DDX24: variants seen among roughly 807,000 people sequenced by gnomAD.
DDX24 encodes the protein DEAD-box helicase 24.
Under a neutral mutation model 68.9 loss-of-function variants are expected in DDX24, and 24 were observed. That is an observed-to-expected ratio of 0.35 (90% CI 0.25 to 0.49). The LOEUF is 0.49. Among genes scored for constraint, DDX24 ranks in the 20% least tolerant of loss-of-function variants. The probability of loss-of-function intolerance (pLI) is 0.99; values close to 1 mark genes in which losing one functional copy is unlikely to be tolerated. For missense variants in DDX24, 989 were observed against 1,039.0 expected, an observed-to-expected ratio of 0.95 and a Z score of 0.66; for synonymous variants, 395 against 385.2, an observed-to-expected ratio of 1.03 and a Z score of -0.30.
chr14:94,061,991 T>A (rs1394406728), intron 3 of DDX24, 106 bp downstream of exon 3: 4 of 1,248,516 alleles, frequency 3.2e-6, no homozygotes, highest in South Asian at 3.1e-5. Flanking sequence ...GGCTTATAGA[T>A]GAGAGTGGCT....
rs1270400466 is a variant in DDX24, at chr14:94,060,553, T to A, written c.1458A>T (p.Ser486=). 2.5e-6 allele frequency: 4 copies of A among 1,614,038 alleles called. No homozygotes were observed. The highest frequency in any genetic ancestry group is 3.4e-6 in the Non-Finnish European group (4 of 1,180,024). Reference sequence around the variant, plus strand: ...AGTCATTGAGCATCTCTAGCAGCTGTGAGAGCTCAGCAAAATGGCCTTTCT... The same window carrying A: ...AGTCATTGAGCATCTCTAGCAGCTGAGAGAGCTCAGCAAAATGGCCTTTCT... ...MVEKGHFAEL[S]QLLEMLNDSQ... Residue 486 remains serine, a synonymous_variant, in exon 5 of 9, where the codon TCA becomes TCT. Coordinates refer to ENST00000621632, the MANE Select transcript of DDX24 (RefSeq NM_020414.4).
rs779287956 is a variant in DDX24 at position 94,079,263 on chromosome 14, T to C, written c.480A>G (p.Lys160=). 9 of 1,614,172 alleles carry C rather than the reference T, an allele frequency of 5.6e-6. No individual in the cohort carries two copies. The highest frequency in any genetic ancestry group is 4.2e-6 in the Non-Finnish European group (5 of 1,180,040). ...TGCTCTGAGAAGGCTCCAACCCTTT[T>C]TTCCCTTTATTTTTCTTCTTTTTTG... ...TAPKKKKNKG[K]KGLEPSQSTA... is the part of the protein sequence containing the mutation. The change falls in exon 2 of 9, where the codon AAA becomes AAG. Residue 160 remains lysine (K), a synonymous_variant. Coordinates refer to ENST00000621632, the MANE Select transcript of DDX24 (RefSeq NM_020414.4).
At chr14:94,074,521 A>T (rs12435406) in intron 2 of DDX24, among the ~76,000 whole-genome samples, 81,201 of 151,988 alleles carry the variant, frequency 0.53, 23,716 homozygotes, top group African/African-American at 0.79. Flanking sequence ...CCAACATCCA[A>T]CCCTGATAAA....
chr14:94,066,231 A>G (rs1197260699), intron 2 of DDX24, among the ~76,000 whole-genome samples: 1 of 151,924 alleles, frequency 6.6e-6, no homozygotes, highest in Non-Finnish European at 1.5e-5. Context: ...GCTTTCCCCC[A>G]TTTCCCTGAC....
intron 2 of DDX24, among the ~76,000 whole-genome samples, chr14:94,064,436 G>A (rs1158053502): frequency 6.6e-6 from 1 of 152,198 alleles, no homozygotes; most frequent in Non-Finnish European, 1.5e-5. Flanking sequence ...ACAGCTTCAG[G>A]ATGGGGGATG....
In DDX24 at chr14:94,050,549, C is replaced by T. The variant is rs972622658; in HGVS notation, c.*642G>A. The T allele has an allele frequency of 6.6e-6, 1 of 152,308 alleles. No homozygotes were observed. Among genetic ancestry groups the T allele is most frequent in the South Asian group, 2.1e-4 (1 of 4,834 alleles). 9.4% of individuals were successfully genotyped at this position (152,308 alleles called of 1,614,324 possible). A position where few individuals can be genotyped will look rare whatever the true frequency, so the allele number is the denominator to read the frequency against. ...GGCTGGGGCTAGATCCTGAGGGCTT[C>T]ACACGCCAGACCTAGCGACTGTTAC... is the stretch of plus-strand genomic sequence containing the variant. On this transcript the variant is annotated 3_prime_UTR_variant, in exon 9 of 9. Coordinates refer to ENST00000621632, the MANE Select transcript of DDX24 (RefSeq NM_020414.4).
intron 7 of DDX24, among the ~76,000 whole-genome samples, 153 bp downstream of exon 7, chr14:94,054,843 C>T (rs1437515980): frequency 6.6e-6 from 1 of 152,206 alleles, no homozygotes; most frequent in African/African-American, 2.4e-5. Flanking sequence ...AGGTATGTTG[C>T]TCTCAATCCT....
chr14:94,064,364 T>C (rs997062358), intron 2 of DDX24, among the ~76,000 whole-genome samples: 5 of 152,194 alleles, frequency 3.3e-5, no homozygotes, highest in East Asian at 1.9e-4. Context: ...CTTAAAAATA[T>C]CTGTAGTAGT....
Position 94,048,928 on chromosome 14 carries a change from T to G in DDX24, c.*2263A>C, listed in dbSNP as rs1390674822. On this transcript the variant is annotated 3_prime_UTR_variant, in exon 9 of 9. Coordinates refer to ENST00000621632, the MANE Select transcript of DDX24 (RefSeq NM_020414.4). The stretch of plus-strand genomic sequence containing the variant: ...TCTCCTAGCATTAAAATGGTTTCCA[T>G]AACTACTTTTGTCCTGGCTTCTTAA... 6.6e-6 allele frequency: 1 copy of G among 152,284 alleles called. No individual in the cohort carries two copies. Among genetic ancestry groups the G allele is most frequent in the Non-Finnish European group, 1.5e-5 (1 of 68,064 alleles). 9.4% of individuals were successfully genotyped at this position (152,284 alleles called of 1,614,324 possible).
intron 2 of DDX24, among the ~76,000 whole-genome samples, chr14:94,076,548 G>C (rs1445959078): frequency 6.6e-6 from 1 of 152,098 alleles, no homozygotes; most frequent in Non-Finnish European, 1.5e-5. Context: ...AGATGTGGTG[G>C]CAAGTGCCTG....
At chr14:94,075,728 C>T (rs186428954) in intron 2 of DDX24, among the ~76,000 whole-genome samples, 1 of 152,168 alleles carries the variant, frequency 6.6e-6, no homozygotes, top group Admixed American at 6.5e-5. Flanking sequence ...AGATAAGCCA[C>T]AAACTGGGAG....
intron 2 of DDX24, among the ~76,000 whole-genome samples, chr14:94,067,048 G>GA (rs2141430301): frequency 6.6e-6 from 1 of 152,234 alleles, no homozygotes; most frequent in East Asian, 1.9e-4. Flanking sequence ...ATCAGGGAGG[G>GA]ACCAGAGAAA....
chr14:94,053,333 A>C (rs986849529), intron 7 of DDX24: 124 of 258,870 alleles, frequency 4.8e-4, no homozygotes, highest in African/African-American at 2.8e-3. Context: ...AGCAGCTGGG[A>C]GGCACCACCA....
chr14:94,059,362 T>C (rs1885549048), intron 5 of DDX24, among the ~76,000 whole-genome samples: 2 of 152,204 alleles, frequency 1.3e-5, no homozygotes. Flanking sequence ...AGAAATAGCA[T>C]GGGCTCTGAG....
chr14:94,060,054 G>GT (rs1334440290), intron 5 of DDX24, 44 bp downstream of exon 5: 2 of 1,553,922 alleles, frequency 1.3e-6, no homozygotes, highest in African/African-American at 2.7e-5. Context: ...TTTTACCCCA[G>GT]TAACTAACTA....
At chr14:94,065,055 T>A (rs1292725749) in intron 2 of DDX24, among the ~76,000 whole-genome samples, 1 of 35,776 alleles carries the variant, frequency 2.8e-5, no homozygotes, top group Admixed American at 2.7e-4. Flanking sequence ...GTAGAAAATC[T>A]TTTTTTTTTT....
intron 2 of DDX24, among the ~76,000 whole-genome samples, chr14:94,067,016 CAGG>C (rs1418610089): frequency 6.6e-6 from 1 of 152,064 alleles, no homozygotes; most frequent in Non-Finnish European, 1.5e-5. Flanking sequence ...AAAGAGAATT[CAGG>C]AGGTTAGTTA....
At chr14:94,059,436 G>T (rs1483036950) in intron 5 of DDX24, among the ~76,000 whole-genome samples, 1 of 152,184 alleles carries the variant, frequency 6.6e-6, no homozygotes, top group African/African-American at 2.4e-5. Context: ...TGGGCACACT[G>T]ATCAGCTTTT....
At position 94,055,063 on chromosome 14, in the gene DDX24, T is replaced by C. The variant is rs748455375; in HGVS notation, c.2111A>G (p.Lys704Arg). The C allele has an allele frequency of 3.7e-6, 6 of 1,614,194 alleles. No homozygotes were observed. Among genetic ancestry groups the C allele is most frequent in the East Asian group, 2.2e-5 (1 of 44,880 alleles). The change falls in exon 7 of 9, where the codon AAA (lysine) becomes AGA (arginine). Residue 704 changes from lysine to arginine, a missense_variant. By Grantham distance (26) the Lys-to-Arg change is conservative. Around this residue, in one of 3 missense-constraint regions of DDX24, gnomAD observed 691 missense variants for 760.0 expected, o/e 0.91. Transcript: ENST00000621632. ...GATATCCTCATCTTTCTTGAGCGTT[T>C]TGTAAATCTTCTTAAAGTTGATCAC... ...EDVINFKKIYKTLKKDEDIPL... is the reference protein window; with the variant it reads ...EDVINFKKIYRTLKKDEDIPL...
Sources: allele counts gnomAD v4.1 joint callset (sites outside exome capture counted in the v4.1 genomes callset), GRCh38; gene constraint gnomAD v4.1.1; regional missense constraint gnomAD v4.1.1; transcripts MANE v1.5; gene names NCBI Gene and HGNC (gene_info 2026-07-23, HGNC 2026-07-21).